The following SHROOM3 variants were observed in gnomAD, a reference collection of about 807,000 sequenced individuals.
SHROOM3 encodes protein Shroom3.
A neutral mutation model predicts 138.6 loss-of-function variants in SHROOM3; 47 were observed. The observed-to-expected ratio is 0.34, with a 90% CI of 0.27 to 0.43. The LOEUF is 0.43. SHROOM3 is among the 20% of genes least tolerant of loss of function. The probability of loss-of-function intolerance (pLI) is 1.00; values close to 1 mark genes in which losing one functional copy is unlikely to be tolerated. For synonymous variants in SHROOM3, 1,062 were observed against 1,063.3 expected, an observed-to-expected ratio of 1.00 and a Z score of 0.02; for missense variants, 2,491 against 2,596.5, an observed-to-expected ratio of 0.96 and a Z score of 0.88.
Position 76,680,450 on chromosome 4 carries a change from T to A in SHROOM3, c.324-29706T>A, listed in dbSNP as rs2038754556. ...CACTGTACCTGGCCCGACCTATACC[T>A]TTTACAAGTGAATTTACAAAGTGGA... On this transcript the variant is annotated intron_variant, in intron 2 of 10. Transcript: ENST00000296043. Among the ~76,000 whole-genome samples, 3 of 152,328 alleles carry A rather than the reference T, an allele frequency of 2.0e-5. No homozygotes were observed. The South Asian group carries it at 6.2e-4, about 32-fold the overall frequency.
chr4:76,555,848 CG>C, intron 2 of SHROOM3, 85 bp downstream of exon 2: 1 of 1,489,482 alleles, frequency 6.7e-7, no homozygotes, highest in Middle Eastern at 2.0e-4. Flanking sequence ...GAAAAGAGCT[CG>C]GGGTTGGTAG....
At chr4:76,680,780 C>A (rs1394641529) in intron 2 of SHROOM3, among the ~76,000 whole-genome samples, 1 of 152,182 alleles carries the variant, frequency 6.6e-6, no homozygotes, top group Non-Finnish European at 1.5e-5. Flanking sequence ...ACATCATAAG[C>A]GCTGCAGCCA....
At chr4:76,616,685 A>G (rs1164542947) in intron 2 of SHROOM3, among the ~76,000 whole-genome samples, 1 of 152,194 alleles carries the variant, frequency 6.6e-6, no homozygotes, top group African/African-American at 2.4e-5. Flanking sequence ...AAGTGGGGAA[A>G]GGGAGAGCTA....
Position 76,454,264 on chromosome 4 carries a change from G to GGACTTCTGACCTCA in SHROOM3, c.168+18047_168+18060dup, listed in dbSNP as rs1239504740. On this transcript the variant is annotated intron_variant, in intron 1 of 10. Coordinates refer to ENST00000296043, the MANE Select transcript of SHROOM3 (RefSeq NM_020859.4). ...TCACCATATTGGCCACGCTGGTCTC[G>GGACTTCTGACCTCA]GACTTCTGACCTCAGATGATCCACC... Among the ~76,000 whole-genome samples the GGACTTCTGACCTCA allele has an allele frequency of 2.6e-5, 4 of 152,206 alleles. No homozygotes were observed. The East Asian group carries it at 7.7e-4, about 29-fold the overall frequency.
rs566968088 is a variant in SHROOM3 at position 76,601,388 on chromosome 4, G to A, written c.323+45625G>A. On this transcript the variant is annotated intron_variant, in intron 2 of 10. Transcript: ENST00000296043. ...TGGCCCCAATTGTCAGTAATGCCAA[G>A]GCTGAGAAACACTGAGTTAAATAAC... is the stretch of plus-strand genomic sequence containing the variant. 1.1e-4 allele frequency among the ~76,000 whole-genome samples: 17 copies of A among 152,288 alleles called. No individual in the cohort carries two copies. The South Asian group carries it at 3.3e-3, about 30-fold the overall frequency.
At chr4:76,577,688 C>T (rs1733968996) in intron 2 of SHROOM3, among the ~76,000 whole-genome samples, 1 of 152,204 alleles carries the variant, frequency 6.6e-6, no homozygotes, top group South Asian at 2.1e-4. Flanking sequence ...GACAAGTCCC[C>T]TATAACTCCT....
intron 1 of SHROOM3, among the ~76,000 whole-genome samples, chr4:76,445,542 G>T (rs558376072): frequency 2.0e-5 from 3 of 152,092 alleles, no homozygotes; most frequent in Admixed American, 6.6e-5. Flanking sequence ...TTATAAGTTG[G>T]GCTGAGGTAG....
At chr4:76,555,559 A>G (rs1733466253) in intron 1 of SHROOM3, 50 bp from the exon 2 acceptor site, 2 of 1,610,426 alleles carry the variant, frequency 1.2e-6, no homozygotes, top group Non-Finnish European at 1.7e-6. Flanking sequence ...GACAGACCCC[A>G]GGCCAGGGGA....
intron 2 of SHROOM3, among the ~76,000 whole-genome samples, chr4:76,621,244 C>T (rs181160090): frequency 3.7e-4 from 56 of 152,220 alleles, no homozygotes; most frequent in Middle Eastern, 3.4e-3. Flanking sequence ...AGGAAGTTAC[C>T]GAATGACAAG....
At chr4:76,583,317 A>G (rs535431452) in intron 2 of SHROOM3, among the ~76,000 whole-genome samples, 1 of 152,114 alleles carries the variant, frequency 6.6e-6, no homozygotes, top group Non-Finnish European at 1.5e-5. Flanking sequence ...TGGCCACCCA[A>G]CCACCCAAGG....
At chr4:76,744,063 T>G (rs550330440) in intron 5 of SHROOM3, among the ~76,000 whole-genome samples, 33 of 152,366 alleles carry the variant, frequency 2.2e-4, no homozygotes, top group African/African-American at 7.9e-4. Flanking sequence ...GAATGTTATT[T>G]TATCTTTCCC....
chr4:76,466,406 A>G (rs1376113518), intron 1 of SHROOM3, among the ~76,000 whole-genome samples: 1 of 152,204 alleles, frequency 6.6e-6, no homozygotes, highest in Non-Finnish European at 1.5e-5. Context: ...GTGAATTTTC[A>G]AGACATAGTA....
intron 2 of SHROOM3, among the ~76,000 whole-genome samples, chr4:76,677,671 C>CT (rs1332215352): frequency 6.6e-6 from 1 of 152,208 alleles, no homozygotes; most frequent in Non-Finnish European, 1.5e-5. Flanking sequence ...GCTCAGGACT[C>CT]TGTTATCTTC....
chr4:76,662,429 C>G (rs1253560863), intron 2 of SHROOM3, among the ~76,000 whole-genome samples: 1 of 152,234 alleles, frequency 6.6e-6, no homozygotes, highest in East Asian at 1.9e-4. Context: ...TTGAATCTCT[C>G]TGCCTTCCTC....
At chr4:76,770,976 C>T (rs944696096) in intron 10 of SHROOM3, 78 bp downstream of exon 10, 7 of 1,556,294 alleles carry the variant, frequency 4.5e-6, no homozygotes, top group Middle Eastern at 1.7e-4. Context: ...TAGACGCCAT[C>T]CTTTCTCTCA....
At chr4:76,618,929 C>G (rs1577923062) in intron 2 of SHROOM3, among the ~76,000 whole-genome samples, 1 of 152,244 alleles carries the variant, frequency 6.6e-6, no homozygotes, top group East Asian at 1.9e-4. Flanking sequence ...CAGGCTGCAA[C>G]CTCTGCCTCC....
chr4:76,545,213 A>T (rs1733187913), intron 1 of SHROOM3, among the ~76,000 whole-genome samples: 1 of 152,086 alleles, frequency 6.6e-6, no homozygotes, highest in African/African-American at 2.4e-5. Flanking sequence ...TTATCCCCAA[A>T]CTTGTTTTTT....
At chr4:76,546,680 C>T (rs1215477078) in intron 1 of SHROOM3, among the ~76,000 whole-genome samples, 1 of 152,190 alleles carries the variant, frequency 6.6e-6, no homozygotes, top group East Asian at 1.9e-4. Flanking sequence ...CTTTTTATCT[C>T]TACATTTTGC....
At chr4:76,700,772 CTTTCT>C (rs1719879513) in intron 2 of SHROOM3, among the ~76,000 whole-genome samples, 2 of 150,054 alleles carry the variant, frequency 1.3e-5, no homozygotes, top group Non-Finnish European at 3.0e-5. Context: ...TTCTTTCTTT[CTTTCT>C]TTTATTTATT....
Sources: gnomAD v4.1 joint callset for allele counts (sites outside exome capture counted in the v4.1 genomes callset) on GRCh38, gnomAD v4.1.1 for gene constraint, MANE v1.5 for transcripts, NCBI Gene and HGNC (gene_info 2026-07-23, HGNC 2026-07-21) for gene names.